Variants in DPP10 observed in about 807,000 individuals in gnomAD.
The protein encoded by DPP10 is dipeptidyl peptidase like 10, also known as inactive dipeptidyl peptidase 10.
In DPP10, 33 loss-of-function variants were observed where a neutral mutation model predicts 120.9. The observed-to-expected ratio is 0.27, with a 90% CI of 0.21 to 0.37. The LOEUF (loss-of-function observed/expected upper bound fraction) is 0.37. Among genes scored for constraint, DPP10 ranks in the 10% least tolerant of loss-of-function variants. DPP10 has a pLI of 1.00. For missense variants in DPP10, 816 were observed against 942.8 expected (o/e 0.87, Z 1.76); for synonymous variants, 337 against 326.1 (o/e 1.03, Z -0.36).
chr2:115,153,011 A>G (rs953330270), intron 1 of DPP10, among the ~76,000 whole-genome samples: 2 of 152,102 alleles, frequency 1.3e-5, no homozygotes, highest in African/African-American at 4.8e-5. Flanking sequence ...AGCCAGATGG[A>G]TGCCTACCCA....
At chr2:114,698,078 G>A (rs1700171561) in intron 1 of DPP10, among the ~76,000 whole-genome samples, 1 of 152,220 alleles carries the variant, frequency 6.6e-6, no homozygotes, top group Non-Finnish European at 1.5e-5. Context: ...ACCCAGGCAT[G>A]TTTTAGTGTA....
chr2:114,960,734 A>G (rs1698551156), intron 1 of DPP10, among the ~76,000 whole-genome samples: 1 of 152,078 alleles, frequency 6.6e-6, no homozygotes, highest in African/African-American at 2.4e-5. Flanking sequence ...ACTCTATGCT[A>G]TTCAGTCGCT....
chr2:114,533,843 T>A (rs1269550442), intron 1 of DPP10, among the ~76,000 whole-genome samples: 5 of 152,298 alleles, frequency 3.3e-5, no homozygotes, highest in African/African-American at 9.6e-5. Flanking sequence ...CAATTCCTTA[T>A]CCCCTCATTT....
At chr2:114,453,722 C>A (rs1169368456) in intron 1 of DPP10, among the ~76,000 whole-genome samples, 1 of 152,108 alleles carries the variant, frequency 6.6e-6, no homozygotes, top group African/African-American at 2.4e-5. Flanking sequence ...AACCCATTCC[C>A]CCTCCAAAGA....
At chr2:114,538,059 T>A (rs914614228) in intron 1 of DPP10, among the ~76,000 whole-genome samples, 3 of 152,238 alleles carry the variant, frequency 2.0e-5, no homozygotes, top group African/African-American at 7.2e-5. Context: ...GGTGTTTTTA[T>A]TTTCCCTGGC....
At chr2:114,711,579 C>A (rs559848475) in intron 1 of DPP10, among the ~76,000 whole-genome samples, 20 of 152,272 alleles carry the variant, frequency 1.3e-4, no homozygotes, top group South Asian at 6.2e-4. Flanking sequence ...GCCATGTCTG[C>A]AAAATGCTTA....
intron 1 of DPP10, among the ~76,000 whole-genome samples, chr2:114,532,240 T>A (rs1169925937): frequency 7.6e-6 from 1 of 132,210 alleles, no homozygotes; most frequent in African/African-American, 3.0e-5. Flanking sequence ...ACGAGCCAAT[T>A]CCCATAATAA....
Position 115,527,680 on chromosome 2 carries a change from A to G in DPP10, c.441+1708A>G, listed in dbSNP as rs568412890. 2.6e-5 allele frequency among the ~76,000 whole-genome samples: 4 copies of G among 152,256 alleles called. No homozygotes were observed. The South Asian group carries it at 8.3e-4, about 32-fold the overall frequency. ...AAAACAACAACTATAACAAAAACAC[A>G]ACTATACAATCAGAAAGTGGGCCCA... is the stretch of plus-strand genomic sequence containing the variant. On this transcript the variant is annotated intron_variant, in intron 5 of 25. Coordinates refer to ENST00000410059, the MANE Select transcript of DPP10 (RefSeq NM_020868.6).
In DPP10 at chr2:114,713,267, C is replaced by G. The variant is rs188026843; in HGVS notation, c.60+270429C>G. 2.4e-4 allele frequency among the ~76,000 whole-genome samples: 37 copies of G among 152,200 alleles called. 1 individual carries two copies. The East Asian group carries it at 6.0e-3, about 25-fold the overall frequency. On this transcript the variant is annotated intron_variant, in intron 1 of 25. Coordinates refer to ENST00000410059, the MANE Select transcript of DPP10 (RefSeq NM_020868.6). ...CTTCCCAAAGTGCTGGGATTACAGGCGTGAGCCACCGTACCCCGCCTAATT... is the reference window on the plus strand; with the variant it reads ...CTTCCCAAAGTGCTGGGATTACAGGGGTGAGCCACCGTACCCCGCCTAATT...
chr2:114,619,133 G>A (rs1471873097), intron 1 of DPP10, among the ~76,000 whole-genome samples: 3 of 151,980 alleles, frequency 2.0e-5, no homozygotes, highest in Non-Finnish European at 2.9e-5. Flanking sequence ...GGAATCAGAC[G>A]AGAACCTTAT....
At chr2:115,831,323 A>G (rs1323209000) in intron 21 of DPP10, among the ~76,000 whole-genome samples, 1 of 152,088 alleles carries the variant, frequency 6.6e-6, no homozygotes, top group African/African-American at 2.4e-5. Context: ...ATTTCAGCTC[A>G]CTGCAACCTC....
chr2:114,635,992 C>T (rs201556205), intron 1 of DPP10, among the ~76,000 whole-genome samples: 9 of 151,636 alleles, frequency 5.9e-5, no homozygotes, highest in East Asian at 1.9e-4. Flanking sequence ...GAAAGACACA[C>T]GTTTCAGAAT....
chr2:115,265,268 C>CATATATATATATATATATATATATAT (rs55778302), intron 1 of DPP10, among the ~76,000 whole-genome samples: 25 of 142,500 alleles, frequency 1.8e-4, no homozygotes, highest in African/African-American at 2.3e-4. Flanking sequence ...CTTTGGATTC[C>CATATATATATATATATATATATATAT]ATATATATAT....
chr2:115,530,671 C>G (rs2078407292), intron 5 of DPP10, among the ~76,000 whole-genome samples: 1 of 128,900 alleles, frequency 7.8e-6, no homozygotes, highest in Non-Finnish European at 1.8e-5. Context: ...CAGGGCAAGA[C>G]TCTGTCTCAA....
chr2:115,505,769 A>T (rs1344256938), intron 4 of DPP10, among the ~76,000 whole-genome samples: 1 of 152,172 alleles, frequency 6.6e-6, no homozygotes, highest in Non-Finnish European at 1.5e-5. Flanking sequence ...TTAGAGAAAC[A>T]CAACAGGGCA....
At chr2:115,040,119 G>A (rs1704524898) in intron 1 of DPP10, among the ~76,000 whole-genome samples, 1 of 152,100 alleles carries the variant, frequency 6.6e-6, no homozygotes, top group South Asian at 2.1e-4. Context: ...ACCTTTACCT[G>A]ATTAAGCCAT....
At chr2:115,090,045 T>G (rs1242648761) in intron 1 of DPP10, among the ~76,000 whole-genome samples, 1 of 152,170 alleles carries the variant, frequency 6.6e-6, no homozygotes, top group African/African-American at 2.4e-5. Flanking sequence ...ATTCCTTTTT[T>G]TTTTTTCATG....
rs1160993056 is a variant in DPP10, at chr2:115,094,465, AACTTACATC to A, written c.61-214771_61-214763del. 1.4e-4 allele frequency among the ~76,000 whole-genome samples: 21 copies of A among 152,288 alleles called. No individual in the cohort carries two copies. The East Asian group carries it at 2.7e-3, about 20-fold the overall frequency. ...GTCAAAGGGCAATCTTCAATCCTCT[AACTTACATC>A]ACATGGTAAACTACTTCCTTTGCAA... On this transcript the variant is annotated intron_variant, in intron 1 of 25. Transcript: ENST00000410059.
chr2:114,561,328 T>C (rs139169983), intron 1 of DPP10, among the ~76,000 whole-genome samples: 196 of 152,320 alleles, frequency 1.3e-3, no homozygotes, highest in Middle Eastern at 0.01. Flanking sequence ...TAAATGCCCC[T>C]AGTCCTTGTC....
Sources: gnomAD v4.1 joint callset for allele counts (sites outside exome capture counted in the v4.1 genomes callset) on GRCh38, gnomAD v4.1.1 for gene constraint, MANE v1.5 for transcripts, NCBI Gene and HGNC (gene_info 2026-07-23, HGNC 2026-07-21) for gene names.